PCDHGB2: variants seen among roughly 807,000 people sequenced by gnomAD.
The protein encoded by PCDHGB2 is protocadherin gamma subfamily B, 2.
A neutral mutation model predicts 59.3 loss-of-function variants in PCDHGB2; 55 were observed. The observed-to-expected ratio is 0.93, with a 90% CI of 0.75 to 1.16. PCDHGB2 has a LOEUF of 1.16. Ranked by LOEUF, PCDHGB2 falls within the 50% of genes most tolerant of loss-of-function variation. The pLI is 0.00. For synonymous variants in PCDHGB2, 516 were observed against 512.0 expected (o/e 1.01, Z -0.11); for missense variants, 1,228 against 1,198.5 (o/e 1.02, Z -0.36).
chr5:141,365,193 T>A, intron 1 of PCDHGB2: 2 of 1,613,762 alleles, frequency 1.2e-6, no homozygotes, highest in Non-Finnish European at 1.7e-6. Flanking sequence ...GAAGAAAAAA[T>A]TTCGGAGACT....
At chr5:141,385,172 C>T (rs1013319688) in intron 1 of PCDHGB2, 1 of 1,614,092 alleles carries the variant, frequency 6.2e-7, no homozygotes, top group African/African-American at 1.3e-5. Flanking sequence ...CATGAGGTCT[C>T]CCTCACCGCG....
At chr5:141,390,177 C>A in intron 1 of PCDHGB2, 1 of 1,613,986 alleles carries the variant, frequency 6.2e-7, no homozygotes, top group Non-Finnish European at 8.5e-7. Context: ...GTTTAATTTC[C>A]TAAAATGTAG....
chr5:141,489,530 G>C lies in PCDHGB2; in HGVS notation c.2422-5277G>C, dbSNP rs751249228. 17 of 1,614,092 alleles carry C rather than the reference G, an allele frequency of 1.1e-5. 1 individual carries two copies. In the South Asian group the frequency reaches 1.9e-4, roughly 18 times the overall value. ...AAGATTGACCGAGAAAGCCTATGTG[G>C]AGCCAGCACCAGCTGCCTGCTGCCA... On this transcript the variant is annotated intron_variant, in intron 1 of 3. Coordinates refer to ENST00000522605, the MANE Select transcript of PCDHGB2 (RefSeq NM_018923.3). The surrounding 1 kb of genome is among the most constrained non-coding windows in gnomAD (Gnocchi z 4.5).
intron 1 of PCDHGB2, chr5:141,400,651 C>G (rs2094056317): frequency 8.6e-7 from 1 of 1,166,874 alleles, no homozygotes; most frequent in African/African-American, 1.5e-5. Flanking sequence ...GAAAGCTGTC[C>G]TACCATTCTT....
intron 2 of PCDHGB2, among the ~76,000 whole-genome samples, chr5:141,499,016 GGAAGGAA>G (rs2099788564): frequency 7.0e-6 from 1 of 143,496 alleles, no homozygotes; most frequent in Non-Finnish European, 1.5e-5. Flanking sequence ...AAGGAAGGAA[GGAAGGAA>G]GGAAGAAAAG....
At position 141,425,978 on chromosome 5, in the gene PCDHGB2, A is replaced by T. The variant is rs182438141; in HGVS notation, c.2421+63422A>T. Among the ~76,000 whole-genome samples the T allele has an allele frequency of 3.9e-3, 592 of 152,340 alleles. 5 individuals carry two copies. Among genetic ancestry groups the T allele is most frequent in the African/African-American group, 0.014 (563 of 41,588 alleles). ...AGTCCAACACATCAGTCTAATTCTG[A>T]ATCCCATTGAATTAGCAAAGGCTTC... On this transcript the variant is annotated intron_variant, in intron 1 of 3. Coordinates refer to ENST00000522605, the MANE Select transcript of PCDHGB2 (RefSeq NM_018923.3).
intron 1 of PCDHGB2, chr5:141,388,173 G>A (rs2091270272): frequency 1.3e-6 from 2 of 1,502,222 alleles, no homozygotes; most frequent in South Asian, 2.3e-5. Flanking sequence ...GGAGATATGC[G>A]GGAAGAAGCC....
chr5:141,489,250 A>C lies in PCDHGB2; in HGVS notation c.2422-5557A>C. 1 of 1,546,554 alleles carries C rather than the reference A, an allele frequency of 6.5e-7. No individual in the cohort carries two copies. The highest frequency in any genetic ancestry group is 8.7e-7 in the Non-Finnish European group (1 of 1,146,722). On this transcript the variant is annotated intron_variant, in intron 1 of 3. Transcript: ENST00000522605. This position sits in a 1 kb window ranked among gnomAD's most constrained non-coding sequence, Gnocchi z 4.5. The stretch of plus-strand genomic sequence containing the variant: ...AAGGGACTTCTGGGTCATGGGGCCC[A>C]AGACACTCCCACAGCTCGCTGGGAA...
chr5:141,475,424 T>C (rs2099363271), intron 1 of PCDHGB2, among the ~76,000 whole-genome samples: 1 of 152,244 alleles, frequency 6.6e-6, no homozygotes, highest in African/African-American at 2.4e-5. Context: ...CTCCTGCTAA[T>C]TTGATAGTAG....
chr5:141,390,518 T>G (rs1045172175), intron 1 of PCDHGB2: 1 of 570,806 alleles, frequency 1.8e-6, no homozygotes, highest in Non-Finnish European at 3.0e-6. Flanking sequence ...TATAAAGCAA[T>G]GAGGGTGTGG....
At chr5:141,392,891 C>G in intron 1 of PCDHGB2, 1 of 1,613,594 alleles carries the variant, frequency 6.2e-7, no homozygotes, top group Non-Finnish European at 8.5e-7. Context: ...TGTGGGAAAT[C>G]GGGAGGGGAC....
At chr5:141,370,714 A>G in intron 1 of PCDHGB2, 1 of 1,613,830 alleles carries the variant, frequency 6.2e-7, no homozygotes, top group Non-Finnish European at 8.5e-7. Flanking sequence ...CTGGAATTTG[A>G]AATGGTTGCT....
At chr5:141,481,879 A>G (rs1204365605) in intron 1 of PCDHGB2, among the ~76,000 whole-genome samples, 1 of 144,890 alleles carries the variant, frequency 6.9e-6, no homozygotes, top group Non-Finnish European at 1.5e-5. Context: ...GCGCCACTGC[A>G]CTCCAGCCTG....
In PCDHGB2 at chr5:141,361,246, A is replaced by T; in HGVS notation, c.1111A>T (p.Thr371Ser). The T allele has an allele frequency of 6.2e-7, 1 of 1,613,980 alleles. No individual in the cohort carries two copies. The highest frequency in any genetic ancestry group is 1.1e-5 in the South Asian group (1 of 91,080). The change falls in exon 1 of 4, where the codon ACG becomes TCG. Residue 371 changes from threonine (T) to serine (S), a missense_variant. Transcript: ENST00000522605. ...PPGTVIALIK[T>S]RDRDSGENGE... ...AGGAACAGTGATCGCCTTGATAAAA[A>T]CGAGAGACAGAGACTCTGGAGAAAA...
At chr5:141,400,214 C>T in intron 1 of PCDHGB2, 1 of 1,614,042 alleles carries the variant, frequency 6.2e-7, no homozygotes, top group Non-Finnish European at 8.5e-7. Context: ...GCCTTGATCT[C>T]AGTGCTCTTC....
chr5:141,467,736 G>A (rs1435480730), intron 1 of PCDHGB2, among the ~76,000 whole-genome samples: 1 of 151,902 alleles, frequency 6.6e-6, no homozygotes, highest in Non-Finnish European at 1.5e-5. Flanking sequence ...ATCCCAGCTC[G>A]CTGCAACCTC....
intron 1 of PCDHGB2, chr5:141,415,608 T>C (rs1391331847): frequency 6.2e-7 from 1 of 1,613,366 alleles, no homozygotes; most frequent in Non-Finnish European, 8.5e-7. Flanking sequence ...CCCCATTGGT[T>C]CCAGTGAGTT....
rs201386958 is a variant in PCDHGB2 at position 141,413,172 on chromosome 5, T to G, written c.2421+50616T>G. 2.6e-4 allele frequency: 413 copies of G among 1,598,292 alleles called. 3 individuals carry two copies. In the East Asian group the frequency reaches 7.0e-3, roughly 27 times the overall value. ...ACTTTGCAGAATTCTGTAACCAGACTACAATGGCCGCTCAAAGGAATCGCT... is the reference window on the plus strand; with the variant it reads ...ACTTTGCAGAATTCTGTAACCAGACGACAATGGCCGCTCAAAGGAATCGCT... On this transcript the variant is annotated intron_variant, in intron 1 of 3. Coordinates refer to ENST00000522605, the MANE Select transcript of PCDHGB2 (RefSeq NM_018923.3).
intron 1 of PCDHGB2, chr5:141,375,792 A>G: frequency 6.2e-7 from 1 of 1,614,190 alleles, no homozygotes; most frequent in Non-Finnish European, 8.5e-7. Flanking sequence ...CTCCCCACAG[A>G]CGGTTCCACT....
Sources: allele counts gnomAD v4.1 joint callset (sites outside exome capture counted in the v4.1 genomes callset), GRCh38; gene constraint gnomAD v4.1.1; non-coding constraint Gnocchi (gnomAD v3.1); transcripts MANE v1.5; gene names NCBI Gene and HGNC (gene_info 2026-07-23, HGNC 2026-07-21).